Variants in ADAMTS12 observed in about 807,000 individuals in gnomAD.
ADAMTS12 encodes the protein ADAM metallopeptidase with thrombospondin type 1 motif 12.
Under a neutral mutation model 167.8 loss-of-function variants are expected in ADAMTS12, and 118 were observed. The ratio of observed to expected loss-of-function variants is 0.70; its 90% CI spans 0.61 to 0.82. ADAMTS12 has a LOEUF of 0.82. ADAMTS12 is among the 40% of genes least tolerant of loss of function. The probability of loss-of-function intolerance (pLI) is 0.00; values close to 1 mark genes in which losing one functional copy is unlikely to be tolerated. For synonymous variants in ADAMTS12, 704 were observed against 716.9 expected (o/e 0.98, Z 0.29); for missense variants, 1,916 against 1,998.8 (o/e 0.96, Z 0.79).
In ADAMTS12 at chr5:33,712,535, A is replaced by T. The variant is rs142895314; in HGVS notation, c.635-28480T>A. Among the ~76,000 whole-genome samples the T allele has an allele frequency of 5.3e-3, 813 of 152,290 alleles. 12 individuals are homozygous for T. Among genetic ancestry groups the T allele is most frequent in the African/African-American group, 0.019 (780 of 41,568 alleles). On this transcript the variant is annotated intron_variant, in intron 3 of 23. Coordinates refer to ENST00000504830, the MANE Select transcript of ADAMTS12 (RefSeq NM_030955.4). Reference sequence around the variant, plus strand: ...ATACGTTGGCAACACTAAGCCACAGAGATTCAGTTGAAGGTACTGAGTGAA... The same window carrying T: ...ATACGTTGGCAACACTAAGCCACAGTGATTCAGTTGAAGGTACTGAGTGAA...
At chr5:33,693,394 A>T (rs1742626239) in intron 3 of ADAMTS12, among the ~76,000 whole-genome samples, 1 of 152,204 alleles carries the variant, frequency 6.6e-6, no homozygotes, top group Non-Finnish European at 1.5e-5. Context: ...ATATGGTTAT[A>T]TTTACATATA....
intron 3 of ADAMTS12, among the ~76,000 whole-genome samples, chr5:33,728,435 A>G (rs34526999): frequency 0.58 from 88,499 of 151,944 alleles, 26,782 homozygotes; most frequent in Non-Finnish European, 0.66. Flanking sequence ...TCCTGTCCGA[A>G]TCAGCCTCTT....
At chr5:33,585,878 G>C (rs1206864150) in intron 18 of ADAMTS12, among the ~76,000 whole-genome samples, 1 of 152,060 alleles carries the variant, frequency 6.6e-6, no homozygotes, top group Non-Finnish European at 1.5e-5. Flanking sequence ...TACCAACCTG[G>C]CACGGCTGAG....
At chr5:33,607,011 A>G (rs1410833122) in intron 16 of ADAMTS12, among the ~76,000 whole-genome samples, 1 of 152,246 alleles carries the variant, frequency 6.6e-6, no homozygotes, top group Non-Finnish European at 1.5e-5. Context: ...TTAATGGAGA[A>G]AAACTATATG....
At chr5:33,845,305 G>C (rs1748903067) in intron 2 of ADAMTS12, among the ~76,000 whole-genome samples, 1 of 152,088 alleles carries the variant, frequency 6.6e-6, no homozygotes, top group Non-Finnish European at 1.5e-5. Context: ...ATAACTATAG[G>C]GCTGGGAAAG....
At chr5:33,614,079 A>C (rs1224082779) in intron 16 of ADAMTS12, among the ~76,000 whole-genome samples, 159 bp downstream of exon 16, 1 of 152,232 alleles carries the variant, frequency 6.6e-6, no homozygotes, top group Non-Finnish European at 1.5e-5. Context: ...CCTCTCTTCA[A>C]ACCATGCCCA....
intron 5 of ADAMTS12, among the ~76,000 whole-genome samples, chr5:33,666,818 C>G (rs750486178): frequency 6.6e-6 from 1 of 152,152 alleles, no homozygotes; most frequent in Non-Finnish European, 1.5e-5. Context: ...TAAGGATATG[C>G]TTAAATTATT....
At chr5:33,579,727 C>A (rs1746962062) in intron 18 of ADAMTS12, among the ~76,000 whole-genome samples, 1 of 152,248 alleles carries the variant, frequency 6.6e-6, no homozygotes, top group Non-Finnish European at 1.5e-5. Context: ...GACAGCAGCA[C>A]CTACCTTTGC....
chr5:33,764,372 C>A (rs1745459189), intron 2 of ADAMTS12, among the ~76,000 whole-genome samples: 1 of 152,186 alleles, frequency 6.6e-6, no homozygotes, highest in African/African-American at 2.4e-5. Context: ...TGACATTTAT[C>A]ATGTGCCACT....
chr5:33,617,675 T>C (rs1035399931), intron 14 of ADAMTS12, among the ~76,000 whole-genome samples: 1 of 152,308 alleles, frequency 6.6e-6, no homozygotes, highest in South Asian at 2.1e-4. Context: ...TGCAGTCATT[T>C]TCATACTTAG....
chr5:33,649,662 CA>C lies in ADAMTS12; in HGVS notation c.1225del (p.Cys409ValfsTer22). 1.9e-6 allele frequency: 3 copies of C among 1,614,006 alleles called. No individual in the cohort carries two copies. Among genetic ancestry groups the C allele is most frequent in the Non-Finnish European group, 2.5e-6 (3 of 1,179,904 alleles). On this transcript the variant is annotated frameshift_variant, in exon 8 of 24. Coordinates refer to ENST00000504830, the MANE Select transcript of ADAMTS12 (RefSeq NM_030955.4). LOFTEE classifies it high-confidence loss of function. ...GTACGGATGTCTGCCCACAGGCTCA[CA>C]GTCATTTTCTTTCCCATCATGCTGG... ...GIQHDGKEND[C>X]EPVGRHPYIM... is the part of the protein sequence containing the mutation.
chr5:33,783,835 A>C (rs1036645563), intron 2 of ADAMTS12, among the ~76,000 whole-genome samples: 7 of 151,978 alleles, frequency 4.6e-5, no homozygotes, highest in African/African-American at 1.7e-4. Context: ...AAATTTTCAC[A>C]TAAAATTTTC....
Position 33,653,087 on chromosome 5 carries a change from C to T in ADAMTS12, c.1191-3390G>A, listed in dbSNP as rs78051818. 7.2e-3 allele frequency among the ~76,000 whole-genome samples: 1,088 copies of T among 152,134 alleles called. 16 individuals are homozygous for T. Among genetic ancestry groups the T allele is most frequent in the African/African-American group, 0.025 (1,023 of 41,528 alleles). On this transcript the variant is annotated intron_variant, in intron 7 of 23. Coordinates refer to ENST00000504830, the MANE Select transcript of ADAMTS12 (RefSeq NM_030955.4). ...AATAAGAAGTGGTGAGAATGGACAT[C>T]GTTGTCTTGTTTTTGATCTTAGGGG... is the stretch of plus-strand genomic sequence containing the variant.
At chr5:33,777,710 C>T (rs1745964103) in intron 2 of ADAMTS12, among the ~76,000 whole-genome samples, 1 of 151,656 alleles carries the variant, frequency 6.6e-6, no homozygotes, top group African/African-American at 2.4e-5. Flanking sequence ...TAAGAGGCAT[C>T]CAAATTGTAA....
intron 2 of ADAMTS12, among the ~76,000 whole-genome samples, chr5:33,877,625 G>A (rs796750406): frequency 1.2e-4 from 19 of 152,330 alleles, no homozygotes; most frequent in African/African-American, 4.6e-4. Context: ...GATGGGAGAA[G>A]GGTAGTGAAA....
intron 2 of ADAMTS12, among the ~76,000 whole-genome samples, chr5:33,836,378 A>C (rs537929115): frequency 6.6e-6 from 1 of 152,194 alleles, no homozygotes; most frequent in South Asian, 2.1e-4. Context: ...CCAGCTAGAC[A>C]GGGGTGGCAC....
chr5:33,534,216 G>A (rs1744257776), intron 23 of ADAMTS12, among the ~76,000 whole-genome samples: 1 of 152,184 alleles, frequency 6.6e-6, no homozygotes, highest in Non-Finnish European at 1.5e-5. Context: ...TGGCTCAGGA[G>A]TGGACAACTT....
chr5:33,865,150 C>T (rs1030960237), intron 2 of ADAMTS12, among the ~76,000 whole-genome samples: 1 of 151,798 alleles, frequency 6.6e-6, no homozygotes, highest in Admixed American at 6.6e-5. Context: ...ATACCAAAAC[C>T]AGGAAAGGAC....
At chr5:33,671,564 A>G (rs1289352114) in intron 5 of ADAMTS12, among the ~76,000 whole-genome samples, 2 of 152,178 alleles carry the variant, frequency 1.3e-5, no homozygotes, top group Non-Finnish European at 2.9e-5. Context: ...GTTGCAATAG[A>G]AGATCTTATA....
Sources: gnomAD v4.1 joint callset for allele counts (sites outside exome capture counted in the v4.1 genomes callset) on GRCh38, gnomAD v4.1.1 for gene constraint, MANE v1.5 for transcripts, NCBI Gene and HGNC (gene_info 2026-07-23, HGNC 2026-07-21) for gene names.